The following PTGIR variants were observed in gnomAD, a reference collection of about 807,000 sequenced individuals.
The protein encoded by PTGIR is prostaglandin I2 receptor.
In PTGIR, 16 loss-of-function variants were observed where a neutral mutation model predicts 17.6. The observed-to-expected ratio is 0.91, with a 90% CI of 0.61 to 1.38. The LOEUF (loss-of-function observed/expected upper bound fraction) is 1.38. Ranked by LOEUF, PTGIR falls within the 40% of genes most tolerant of loss-of-function variation. The pLI is 0.00. For missense variants in PTGIR, 532 were observed against 548.6 expected (o/e 0.97, Z 0.30); for synonymous variants, 274 against 255.4 (o/e 1.07, Z -0.69).
downstream of PTGIR, among the ~76,000 whole-genome samples, chr19:46,617,113 C>T (rs563105584): frequency 3.2e-4 from 49 of 152,372 alleles, no homozygotes; most frequent in African/African-American, 1.1e-3. Flanking sequence ...CAAAATGTCA[C>T]GGCCTCTTTG....
Position 46,621,383 on chromosome 19 carries a change from C to T in PTGIR, c.1058G>A (p.Gly353Asp), listed in dbSNP as rs761986832. Residue 353 changes from glycine (G) to aspartate (D), a missense_variant, in exon 3 of 3, where the codon GGC becomes GAC. Physicochemically the swap from Gly to Asp is moderately conservative, Grantham distance 94 (BLOSUM62 -1). Transcript: ENST00000291294. The surrounding 1 kb of genome is among the most constrained non-coding windows in gnomAD (Gnocchi z 4.8). ...EGSCVPLSAW[G>D]EGQVEPLPPT... ...AGGCAAGGGCTCCACCTGCCCCTCGCCCCAAGCCGACAAAGGCACGCAGCT... is the reference window on the plus strand; with the variant it reads ...AGGCAAGGGCTCCACCTGCCCCTCGTCCCAAGCCGACAAAGGCACGCAGCT... 1.5e-5 allele frequency: 24 copies of T among 1,587,572 alleles called. No homozygotes were observed. In the East Asian group the frequency reaches 3.8e-4, roughly 25 times the overall value.
At position 46,621,633 on chromosome 19, in the gene PTGIR, T is replaced by C; in HGVS notation, c.808A>G (p.Ser270Gly). Residue 270 changes from serine (S) to glycine (G), a missense_variant, in exon 3 of 3, where the codon AGT becomes GGT. Ser to Gly is a moderately conservative substitution (Grantham distance 56). Coordinates refer to ENST00000291294, the MANE Select transcript of PTGIR (RefSeq NM_000960.4). The surrounding 1 kb of genome is among the most constrained non-coding windows in gnomAD (Gnocchi z 4.8). Reference sequence around the variant, plus strand: ...AAGGCAAGGAGGTCCCCCATCTCACTGCTGCTGTCAGGGGCGACAGCCTGG... The same window carrying C: ...AAGGCAAGGAGGTCCCCCATCTCACCGCTGCTGTCAGGGGCGACAGCCTGG... ...FTQAVAPDSSSEMGDLLAFRF... is the reference protein window; with the variant it reads ...FTQAVAPDSSGEMGDLLAFRF... 1 of 1,613,310 alleles carries C rather than the reference T, an allele frequency of 6.2e-7. No individual in the cohort carries two copies.
rs202009923 is a variant in PTGIR at position 46,623,816 on chromosome 19, C to G, written c.410G>C (p.Arg137Pro). ...GGCGTAGATGGCTGGCAGCGCCAGG[C>G]GGGCGCAGCGGGGCCCGTCCAGCTG... ...YAQLDGPRCA[R>P]LALPAIYAFC... The change falls in exon 2 of 3, where the codon CGC becomes CCC. Residue 137 changes from arginine (R) to proline (P), a missense_variant. Physicochemically the swap from Arg to Pro is moderately radical, Grantham distance 103. Coordinates refer to ENST00000291294, the MANE Select transcript of PTGIR (RefSeq NM_000960.4). The G allele has an allele frequency of 1.9e-6, 3 of 1,607,336 alleles. No homozygotes were observed. Among genetic ancestry groups the G allele is most frequent in the African/African-American group, 2.7e-5 (2 of 74,996 alleles).
At chr19:46,624,296 C>T in intron 1 of PTGIR, 59 bp from the exon 2 acceptor site, 1 of 1,390,774 alleles carries the variant, frequency 7.2e-7, no homozygotes, top group South Asian at 1.6e-5. Context: ...ACCACCCAGC[C>T]CACTCAGATG....
chr19:46,622,043 C>T (rs2052735161), intron 2 of PTGIR: 29 of 985,324 alleles, frequency 2.9e-5, no homozygotes, highest in South Asian at 1.4e-4. Context: ...TATCTGTCCA[C>T]GGCATCTGAG....
chr19:46,613,231 C>T, the PTGIR span, among the ~76,000 whole-genome samples: 2 of 150,576 alleles, frequency 1.3e-5, no homozygotes, highest in Non-Finnish European at 3.0e-5. Context: ...TTGGTAGAAA[C>T]GGGGTTTCAC....
At position 46,621,136 on chromosome 19, in the gene PTGIR, C is replaced by T; in HGVS notation, c.*144G>A. The T allele has an allele frequency of 7.3e-7, 1 of 1,364,890 alleles. No homozygotes were observed. The highest frequency in any genetic ancestry group is 9.5e-7 in the Non-Finnish European group (1 of 1,057,162). The allele number at this position is 1,364,890 out of a possible 1,614,324, so 84.5% of individuals were successfully genotyped here. The stretch of plus-strand genomic sequence containing the variant: ...CTCTTCCCAGAGCCAGCAGCGACTG[C>T]CCTGCCGCAGGAGAAACAGCAGCTG... On this transcript the variant is annotated 3_prime_UTR_variant, in exon 3 of 3. Transcript: ENST00000291294. The surrounding 1 kb of genome is among the most constrained non-coding windows in gnomAD (Gnocchi z 4.8).
Position 46,620,516 on chromosome 19 carries a change from C to T in PTGIR, c.*764G>A. 1 of 985,440 alleles carries T rather than the reference C, an allele frequency of 1.0e-6. No homozygotes were observed. The highest frequency in any genetic ancestry group is 1.2e-6 in the Non-Finnish European group (1 of 829,948). 61.0% of individuals were successfully genotyped at this position (985,440 alleles called of 1,614,324 possible). A position where few individuals can be genotyped will look rare whatever the true frequency, so the allele number is the denominator to read the frequency against. ...ATTTATTCAGGACCCTGGGGACAGGCACAGGACTTAGGTTTGTGTTCTGGG... is the reference window on the plus strand; with the variant it reads ...ATTTATTCAGGACCCTGGGGACAGGTACAGGACTTAGGTTTGTGTTCTGGG... On this transcript the variant is annotated 3_prime_UTR_variant, in exon 3 of 3. Coordinates refer to ENST00000291294, the MANE Select transcript of PTGIR (RefSeq NM_000960.4).
Position 46,621,619 on chromosome 19 carries a change from G to T in PTGIR, c.822C>A (p.Asp274Glu). Residue 274 changes from aspartate (D) to glutamate (E), a missense_variant, in exon 3 of 3, where the codon GAC becomes GAA. Physicochemically the swap from Asp to Glu is conservative, Grantham distance 45. Transcript: ENST00000291294. The surrounding 1 kb of genome is among the most constrained non-coding windows in gnomAD (Gnocchi z 4.8). ...AGGCGTAGAAGCGGAAGGCAAGGAG[G>T]TCCCCCATCTCACTGCTGCTGTCAG... Reference protein sequence around the residue: ...VAPDSSSEMGDLLAFRFYAFN... With the variant: ...VAPDSSSEMGELLAFRFYAFN... 1.2e-6 allele frequency: 2 copies of T among 1,613,524 alleles called. No individual in the cohort carries two copies. The highest frequency in any genetic ancestry group is 1.7e-6 in the Non-Finnish European group (2 of 1,180,008).
chr19:46,614,534 G>A, the PTGIR span: 1 of 615,816 alleles, frequency 1.6e-6, no homozygotes, highest in Non-Finnish European at 2.0e-6. Context: ...CAGGCGCCTA[G>A]AGCAGTCAGC....
chr19:46,623,637 C>G lies in PTGIR; in HGVS notation c.589G>C (p.Ala197Pro). The change falls in exon 2 of 3, where the codon GCT becomes CCT. Residue 197 changes from alanine (A) to proline (P), a missense_variant. By Grantham distance (27) the Ala-to-Pro change is conservative. Coordinates refer to ENST00000291294, the MANE Select transcript of PTGIR (RefSeq NM_000960.4). ...AYAGLVALLVAAIFLCNGSVT... is the reference protein window; with the variant it reads ...AYAGLVALLVPAIFLCNGSVT... ...GAGCCGTTGCAGAGGAAGATGGCAGCCACCAGCAGGGCCACCAGGCCGGCG... is the reference window on the plus strand; with the variant it reads ...GAGCCGTTGCAGAGGAAGATGGCAGGCACCAGCAGGGCCACCAGGCCGGCG... The G allele has an allele frequency of 1.3e-6, 2 of 1,549,308 alleles. No individual in the cohort carries two copies. The highest frequency in any genetic ancestry group is 8.7e-7 in the Non-Finnish European group (1 of 1,148,114).
downstream of PTGIR, among the ~76,000 whole-genome samples, chr19:46,618,778 C>T (rs1971999021): frequency 6.6e-6 from 1 of 152,192 alleles, no homozygotes; most frequent in Non-Finnish European, 1.5e-5. Context: ...GAACCCCAAG[C>T]TCATTCATGG....
the PTGIR span, among the ~76,000 whole-genome samples, chr19:46,613,358 G>GCC: frequency 1.0e-4 from 1 of 9,580 alleles, no homozygotes; most frequent in African/African-American, 4.5e-4. Context: ...ACCCCCCCAT[G>GCC]CCCCCCCTTC....
chr19:46,618,540 C>T (rs1449097570), downstream of PTGIR, among the ~76,000 whole-genome samples: 1 of 151,986 alleles, frequency 6.6e-6, no homozygotes, highest in Non-Finnish European at 1.5e-5. Context: ...CTCAGGGGAT[C>T]CTCCCGCCTC....
At position 46,621,986 on chromosome 19, in the gene PTGIR, G is replaced by A. The variant is rs770873235; in HGVS notation, c.769-314C>T. 81 of 985,298 alleles carry A rather than the reference G, an allele frequency of 8.2e-5. No individual in the cohort carries two copies. Among genetic ancestry groups the A allele is most frequent in the East Asian group, 1.1e-4 (1 of 8,818 alleles). The allele number at this position is 985,298 out of a possible 1,614,324, so 61.0% of individuals were successfully genotyped here. On this transcript the variant is annotated intron_variant, in intron 2 of 2. Coordinates refer to ENST00000291294, the MANE Select transcript of PTGIR (RefSeq NM_000960.4). This position sits in a 1 kb window ranked among gnomAD's most constrained non-coding sequence, Gnocchi z 4.8. ...TCCCTGCAAGAAGGTGGCGCCACCC[G>A]GCTGGGCCCCCTGAAACTGCCGCAG... is the stretch of plus-strand genomic sequence containing the variant.
At chr19:46,617,114 G>A (rs943725900), downstream of PTGIR, among the ~76,000 whole-genome samples, 5 of 152,236 alleles carry the variant, frequency 3.3e-5, no homozygotes, top group African/African-American at 9.6e-5. Context: ...AAAATGTCAC[G>A]GCCTCTTTGA....
chr19:46,618,105 C>T (rs951758958), downstream of PTGIR, among the ~76,000 whole-genome samples: 6 of 151,190 alleles, frequency 4.0e-5, no homozygotes, highest in East Asian at 1.2e-3. Context: ...AGCTCTGCCT[C>T]CCGGGTTCAC....
chr19:46,621,097 C>T lies in PTGIR; in HGVS notation c.*183G>A. 1 of 1,283,774 alleles carries T rather than the reference C, an allele frequency of 7.8e-7. No homozygotes were observed. The highest frequency in any genetic ancestry group is 1.5e-5 in the African/African-American group (1 of 65,820). 79.5% of individuals were successfully genotyped at this position (1,283,774 alleles called of 1,614,324 possible). A position where few individuals can be genotyped will look rare whatever the true frequency, so the allele number is the denominator to read the frequency against. On this transcript the variant is annotated 3_prime_UTR_variant, in exon 3 of 3. Transcript: ENST00000291294. This position sits in a 1 kb window ranked among gnomAD's most constrained non-coding sequence, Gnocchi z 4.8. ...TTCTGCACTCCAGGATAAACGTTTCCTCTGTCCCTCACTCTCTTCCCAGAG... is the reference window on the plus strand; with the variant it reads ...TTCTGCACTCCAGGATAAACGTTTCTTCTGTCCCTCACTCTCTTCCCAGAG...
At chr19:46,618,983 TTATGGGCTTTATTCCAA>T (rs1315400159), downstream of PTGIR, among the ~76,000 whole-genome samples, 2 of 152,230 alleles carry the variant, frequency 1.3e-5, no homozygotes, top group Non-Finnish European at 2.9e-5. Context: ...GTGACATTTC[TTATGGGCTTTATTCCAA>T]GCCCTGAGCT....
Sources: allele counts gnomAD v4.1 joint callset (sites outside exome capture counted in the v4.1 genomes callset), GRCh38; gene constraint gnomAD v4.1.1; non-coding constraint Gnocchi (gnomAD v3.1); transcripts MANE v1.5; gene names NCBI Gene and HGNC (gene_info 2026-07-23, HGNC 2026-07-21).